LHFPL2: variants seen among roughly 807,000 people sequenced by gnomAD.
LHFPL2 encodes the protein LHFPL tetraspan subfamily member 2, also known as LHFPL tetraspan subfamily member 2 protein.
LHFPL2 carries 7 observed loss-of-function variants against 17.5 expected under a neutral mutation model. The ratio of observed to expected loss-of-function variants is 0.40; its 90% confidence interval spans 0.23 to 0.75. LHFPL2 has a LOEUF of 0.75. Ranked by LOEUF, LHFPL2 falls within the 30% of genes least tolerant of loss-of-function variation. The probability of loss-of-function intolerance (pLI) is 0.37; values close to 1 mark genes in which losing one functional copy is unlikely to be tolerated. For missense variants in LHFPL2, 241 were observed against 294.8 expected, an observed-to-expected ratio of 0.82 and a Z score of 1.34; for synonymous variants, 134 against 116.2, an observed-to-expected ratio of 1.15 and a Z score of -0.99.
At chr5:78,611,810 C>T (rs1430218360) in intron 2 of LHFPL2, among the ~76,000 whole-genome samples, 2 of 152,126 alleles carry the variant, frequency 1.3e-5, no homozygotes, top group African/African-American at 4.8e-5. Flanking sequence ...GGAGCACAAA[C>T]TTTTTTTACA....
intron 3 of LHFPL2, among the ~76,000 whole-genome samples, chr5:78,556,604 T>G (rs1756578035): frequency 6.6e-6 from 1 of 152,120 alleles, no homozygotes; most frequent in South Asian, 2.1e-4. Context: ...TTTAATGGTT[T>G]AAAAAAATCA....
At chr5:78,528,640 A>G (rs957300132) in intron 3 of LHFPL2, among the ~76,000 whole-genome samples, 14 of 152,222 alleles carry the variant, frequency 9.2e-5, no homozygotes, top group Non-Finnish European at 2.1e-4. Flanking sequence ...AATAACTAAC[A>G]ATGATGGTGC....
At chr5:78,514,200 A>G (rs1755220736) in intron 3 of LHFPL2, among the ~76,000 whole-genome samples, 1 of 148,582 alleles carries the variant, frequency 6.7e-6, no homozygotes, top group Non-Finnish European at 1.5e-5. Flanking sequence ...CATTCTACCT[A>G]AAAGACTTCT....
At chr5:78,533,846 C>T (rs1285000104) in intron 3 of LHFPL2, among the ~76,000 whole-genome samples, 2 of 152,234 alleles carry the variant, frequency 1.3e-5, no homozygotes, top group African/African-American at 2.4e-5. Context: ...TCCAAATCTA[C>T]AGGCCCTGCC....
intron 2 of LHFPL2, among the ~76,000 whole-genome samples, chr5:78,613,877 A>G (rs1392025160): frequency 6.6e-6 from 1 of 152,188 alleles, no homozygotes; most frequent in Admixed American, 6.5e-5. Flanking sequence ...AAGGGGGTTA[A>G]TATCTCCAAC....
chr5:78,581,461 G>A (rs1259015174), intron 2 of LHFPL2, among the ~76,000 whole-genome samples: 7 of 152,214 alleles, frequency 4.6e-5, no homozygotes, highest in Admixed American at 6.5e-5. Flanking sequence ...TTTGAGATAC[G>A]TCCCATCAAT....
At chr5:78,541,801 G>A (rs928467042) in intron 3 of LHFPL2, among the ~76,000 whole-genome samples, 2 of 152,220 alleles carry the variant, frequency 1.3e-5, no homozygotes, top group Non-Finnish European at 2.9e-5. Context: ...GCAGGAAAAT[G>A]GTCATAAGTA....
chr5:78,527,364 T>TTTG (rs1491419287), intron 3 of LHFPL2, among the ~76,000 whole-genome samples: 6 of 44,006 alleles, frequency 1.4e-4, no homozygotes, highest in Non-Finnish European at 2.5e-4. Flanking sequence ...TGATGAGGAG[T>TTTG]TTTTTTTTTT....
intron 3 of LHFPL2, among the ~76,000 whole-genome samples, chr5:78,540,506 C>T (rs1407048111): frequency 6.6e-6 from 1 of 152,224 alleles, no homozygotes; most frequent in Admixed American, 6.5e-5. Flanking sequence ...ACCACCATAG[C>T]CTCCCATTCA....
At chr5:78,615,233 A>G (rs1744558228) in intron 2 of LHFPL2, among the ~76,000 whole-genome samples, 1 of 152,166 alleles carries the variant, frequency 6.6e-6, no homozygotes, top group Admixed American at 6.5e-5. Flanking sequence ...AGACGGGAGA[A>G]GCGAGAGTCC....
chr5:78,504,733 A>C (rs1344168180), intron 4 of LHFPL2, among the ~76,000 whole-genome samples: 1 of 152,196 alleles, frequency 6.6e-6, no homozygotes, highest in Non-Finnish European at 1.5e-5. Flanking sequence ...ACTTCCAAGA[A>C]GGCTGAGCCT....
intron 3 of LHFPL2, among the ~76,000 whole-genome samples, chr5:78,560,057 A>G (rs1756683113): frequency 1.3e-5 from 2 of 152,244 alleles, no homozygotes; most frequent in African/African-American, 4.8e-5. Context: ...ACACAATCAA[A>G]GAATTTTAAC....
At chr5:78,555,717 G>A (rs1264970574) in intron 3 of LHFPL2, among the ~76,000 whole-genome samples, 1 of 152,238 alleles carries the variant, frequency 6.6e-6, no homozygotes, top group Non-Finnish European at 1.5e-5. Flanking sequence ...TCTGCACCTG[G>A]AGGAGAGGGT....
intron 2 of LHFPL2, among the ~76,000 whole-genome samples, chr5:78,573,185 A>G (rs916596772): frequency 6.6e-6 from 1 of 152,168 alleles, no homozygotes; most frequent in Non-Finnish European, 1.5e-5. Flanking sequence ...TCATTTCTAC[A>G]AGATCCATGA....
intron 2 of LHFPL2, among the ~76,000 whole-genome samples, chr5:78,623,352 A>C (rs1423393800): frequency 1.3e-5 from 2 of 152,246 alleles, no homozygotes; most frequent in African/African-American, 4.8e-5. Context: ...CCATTAATAC[A>C]GAATTCCATC....
Position 78,623,278 on chromosome 5 carries a change from G to T in LHFPL2, c.-245+8986C>A, listed in dbSNP as rs568649119. Reference sequence around the variant, plus strand: ...GCTTATTAACATTAATTTTTATAGCGGATTGGAATCTTACGAATACAGAAC... The same window carrying T: ...GCTTATTAACATTAATTTTTATAGCTGATTGGAATCTTACGAATACAGAAC... On this transcript the variant is annotated intron_variant, in intron 2 of 4. Transcript: ENST00000380345. Among the ~76,000 whole-genome samples, 5 of 152,180 alleles carry T rather than the reference G, an allele frequency of 3.3e-5. No individual in the cohort carries two copies. The East Asian group carries it at 9.6e-4, about 29-fold the overall frequency.
At chr5:78,592,744 AC>A (rs1743683939) in intron 2 of LHFPL2, among the ~76,000 whole-genome samples, 1 of 135,262 alleles carries the variant, frequency 7.4e-6, no homozygotes, top group Non-Finnish European at 1.6e-5. Flanking sequence ...ACACACACAC[AC>A]ACACACACAT....
intron 2 of LHFPL2, among the ~76,000 whole-genome samples, chr5:78,621,309 C>T (rs902701617): frequency 3.3e-5 from 5 of 152,120 alleles, no homozygotes; most frequent in Admixed American, 2.6e-4. Flanking sequence ...TCAGTGCTGT[C>T]GTCTGGCAGA....
chr5:78,581,926 A>T (rs866046641), intron 2 of LHFPL2, among the ~76,000 whole-genome samples: 27 of 151,988 alleles, frequency 1.8e-4, no homozygotes, highest in African/African-American at 6.0e-4. Context: ...GTCCTGTACT[A>T]TTTTTGGTTG....
Sources: gnomAD v4.1 joint callset for allele counts (sites outside exome capture counted in the v4.1 genomes callset) on GRCh38, gnomAD v4.1.1 for gene constraint, MANE v1.5 for transcripts, NCBI Gene and HGNC (gene_info 2026-07-23, HGNC 2026-07-21) for gene names.